The following SKOR1 variants were observed in gnomAD, a reference collection of about 807,000 sequenced individuals.
SKOR1 encodes the protein LBX1 corepressor 1.
A neutral mutation model predicts 72.4 loss-of-function variants in SKOR1; 38 were observed. That is an observed-to-expected ratio of 0.52 (90% CI 0.40 to 0.69). SKOR1 has a LOEUF of 0.69. Among genes scored for constraint, SKOR1 ranks in the 30% least tolerant of loss-of-function variants. The pLI, the probability that SKOR1 is intolerant of heterozygous loss-of-function variation, is 0.00. For synonymous variants in SKOR1, 642 were observed against 599.4 expected, an observed-to-expected ratio of 1.07 and a Z score of -1.04; for missense variants, 1,320 against 1,343.2, an observed-to-expected ratio of 0.98 and a Z score of 0.27.
Position 67,833,940 on chromosome 15 carries a change from G to C in SKOR1, c.*104G>C. 2.3e-6 allele frequency: 3 copies of C among 1,284,444 alleles called. No homozygotes were observed. The highest frequency in any genetic ancestry group is 3.3e-6 in the Non-Finnish European group (3 of 900,072). 79.6% of individuals were successfully genotyped at this position (1,284,444 alleles called of 1,614,324 possible). ...AGGAACAAGCCATTCGGACCCGACCGATGTAAATACAGCCGCCCGTCCGCC... is the reference window on the plus strand; with the variant it reads ...AGGAACAAGCCATTCGGACCCGACCCATGTAAATACAGCCGCCCGTCCGCC... On this transcript the variant is annotated 3_prime_UTR_variant, in exon 9 of 9. Coordinates refer to ENST00000380035, the MANE Select transcript of SKOR1 (RefSeq NM_001365915.1). This position sits in a 1 kb window ranked among gnomAD's most constrained non-coding sequence, Gnocchi z 6.0.
chr15:67,829,790 C>T (rs1253669525), intron 3 of SKOR1, among the ~76,000 whole-genome samples: 1 of 152,234 alleles, frequency 6.6e-6, no homozygotes, highest in Non-Finnish European at 1.5e-5. Flanking sequence ...TCGAGGCAGC[C>T]GAACCCCGGA....
At position 67,826,862 on chromosome 15, in the gene SKOR1, A is replaced by T. The variant is rs1275875160; in HGVS notation, c.1034A>T (p.Gln345Leu). 6.5e-7 allele frequency: 1 copy of T among 1,531,290 alleles called. No individual in the cohort carries two copies. The highest frequency in any genetic ancestry group is 8.7e-7 in the Non-Finnish European group (1 of 1,142,866). The allele number at this position is 1,531,290 out of a possible 1,614,324, so 94.9% of individuals were successfully genotyped here. ...CCGGGGCCACCTCCACCCCACCCGC[A>T]GCGCGGACTTGGCCTGGCGACTGGA... ...GPPGPPPPHP[Q>L]RGLGLATGAS... is the part of the protein sequence containing the mutation. Residue 345 changes from glutamine to leucine, a missense_variant, in exon 2 of 9, where the codon CAG becomes CTG. By Grantham distance (113) the Gln-to-Leu change is moderately radical. Coordinates refer to ENST00000380035, the MANE Select transcript of SKOR1 (RefSeq NM_001365915.1).
Position 67,826,438 on chromosome 15 carries a change from C to A in SKOR1, c.610C>A (p.Arg204Ser). The A allele has an allele frequency of 6.2e-7, 1 of 1,614,114 alleles. No individual in the cohort carries two copies. Among genetic ancestry groups the A allele is most frequent in the Non-Finnish European group, 8.5e-7 (1 of 1,180,032 alleles). The part of the protein sequence containing the change: ...SFIPARYNSS[R>S]AKCIKCGYCS... The stretch of plus-strand genomic sequence containing the variant: ...CATCCCTGCGCGTTACAACAGCTCT[C>A]GTGCCAAGTGCATCAAGTGCGGCTA... The change falls in exon 2 of 9, where the codon CGT becomes AGT. Residue 204 changes from arginine (R) to serine (S), a missense_variant. Around this residue, in one of 3 missense-constraint regions of SKOR1, gnomAD observed 101 missense variants for 212.8 expected, o/e 0.47. Coordinates refer to ENST00000380035, the MANE Select transcript of SKOR1 (RefSeq NM_001365915.1).
At chr15:67,831,986 G>A (rs886269344) in intron 5 of SKOR1, among the ~76,000 whole-genome samples, 1 of 151,828 alleles carries the variant, frequency 6.6e-6, no homozygotes, top group African/African-American at 2.4e-5. Flanking sequence ...CAGCCTCTTA[G>A]GTTAGGGAGT....
At chr15:67,830,070 G>A in intron 3 of SKOR1, 121 bp from the exon 4 acceptor site, 1 of 984,550 alleles carries the variant, frequency 1.0e-6, no homozygotes, top group South Asian at 1.5e-5. Flanking sequence ...CGCACAGCCG[G>A]GAACCAGAGG....
At chr15:67,831,599 G>A (rs1348723564) in intron 5 of SKOR1, among the ~76,000 whole-genome samples, 1 of 152,062 alleles carries the variant, frequency 6.6e-6, no homozygotes, top group Non-Finnish European at 1.5e-5. Flanking sequence ...TGGTTCTGAG[G>A]GCACTAACAG....
intron 4 of SKOR1, 59 bp downstream of exon 4, chr15:67,830,357 G>A: frequency 2.7e-6 from 4 of 1,500,532 alleles, no homozygotes; most frequent in East Asian, 2.3e-5. Context: ...GACCCAGGTC[G>A]CCCAGGTTCC....
chr15:67,833,936 G>A lies in SKOR1; in HGVS notation c.*100G>A, dbSNP rs1342870480. On this transcript the variant is annotated 3_prime_UTR_variant, in exon 9 of 9. Coordinates refer to ENST00000380035, the MANE Select transcript of SKOR1 (RefSeq NM_001365915.1). The surrounding 1 kb of genome is among the most constrained non-coding windows in gnomAD (Gnocchi z 6.0). ...AGCGAGGAACAAGCCATTCGGACCC[G>A]ACCGATGTAAATACAGCCGCCCGTC... 2 of 1,326,796 alleles carry A rather than the reference G, an allele frequency of 1.5e-6. No homozygotes were observed. Among genetic ancestry groups the A allele is most frequent in the South Asian group, 2.4e-5 (2 of 84,814 alleles). The allele number at this position is 1,326,796 out of a possible 1,614,324, so 82.2% of individuals were successfully genotyped here.
Position 67,832,358 on chromosome 15 carries a change from G to A in SKOR1, c.2662+10G>A. ...TTTCAGAGTCTCAAAGGTACCCACT[G>A]CCATCCTGCCTCACCCCACCTCATC... is the stretch of plus-strand genomic sequence containing the variant. On this transcript the variant is annotated intron_variant, in intron 6 of 8. Coordinates refer to ENST00000380035, the MANE Select transcript of SKOR1 (RefSeq NM_001365915.1). The surrounding 1 kb of genome is among the most constrained non-coding windows in gnomAD (Gnocchi z 4.5). 1 of 1,613,764 alleles carries A rather than the reference G, an allele frequency of 6.2e-7. No homozygotes were observed. The highest frequency in any genetic ancestry group is 8.5e-7 in the Non-Finnish European group (1 of 1,179,750).
rs2090958850 is a variant in SKOR1 at position 67,826,438 on chromosome 15, C to T, written c.610C>T (p.Arg204Cys). The change falls in exon 2 of 9, where the codon CGT becomes TGT. Residue 204 changes from arginine (R) to cysteine (C), a missense_variant. Physicochemically the swap from Arg to Cys is radical, Grantham distance 180. Transcript: ENST00000380035. The part of the protein sequence containing the change: ...SFIPARYNSS[R>C]AKCIKCGYCS... ...CATCCCTGCGCGTTACAACAGCTCT[C>T]GTGCCAAGTGCATCAAGTGCGGCTA... 2 of 1,613,996 alleles carry T rather than the reference C, an allele frequency of 1.2e-6. No homozygotes were observed. Among genetic ancestry groups the T allele is most frequent in the Non-Finnish European group, 1.7e-6 (2 of 1,180,040 alleles).
Position 67,833,690 on chromosome 15 carries a change from T to C in SKOR1, c.2804-52T>C. On this transcript the variant is annotated intron_variant, in intron 8 of 8. Coordinates refer to ENST00000380035, the MANE Select transcript of SKOR1 (RefSeq NM_001365915.1). This position sits in a 1 kb window ranked among gnomAD's most constrained non-coding sequence, Gnocchi z 6.0. The stretch of plus-strand genomic sequence containing the variant: ...GGAGGGGAAAGGGTGGACTGCGCGG[T>C]GAGGTGAGCCTGGAGAGGCGCCCAG... The C allele has an allele frequency of 3.2e-6, 5 of 1,569,654 alleles. No individual in the cohort carries two copies. The highest frequency in any genetic ancestry group is 4.4e-6 in the Non-Finnish European group (5 of 1,141,160).
rs906388408 is a variant in SKOR1, at chr15:67,832,279, T to A, written c.2593T>A (p.Leu865Met). 2 of 1,614,062 alleles carry A rather than the reference T, an allele frequency of 1.2e-6. No individual in the cohort carries two copies. Among genetic ancestry groups the A allele is most frequent in the African/African-American group, 2.7e-5 (2 of 75,034 alleles). The part of the protein sequence containing the change: ...KDIENLAREE[L>M]QKLLLEQMEL... The stretch of plus-strand genomic sequence containing the variant: ...CCACTTTTCCCCTTTCACAGAGGAA[T>A]TGCAAAAACTGCTCCTGGAACAAAT... Residue 865 changes from leucine to methionine, a missense_variant, in exon 6 of 9, where the codon TTG becomes ATG. Leu to Met is a conservative substitution (Grantham distance 15). Transcript: ENST00000380035. This position sits in a 1 kb window ranked among gnomAD's most constrained non-coding sequence, Gnocchi z 4.5.
rs148252639 is a variant in SKOR1, at chr15:67,826,755, C to T, written c.927C>T (p.Gly309=). The T allele has an allele frequency of 2.8e-5, 43 of 1,535,772 alleles. No homozygotes were observed. In the East Asian group the frequency reaches 1.0e-3, roughly 37 times the overall value. Reference sequence around the variant, plus strand: ...GTGCTGGCGGCGGTGGCGGCGGTGGCCCAGGGTGCGGTGCAGAGATGGCCC... The same window carrying T: ...GTGCTGGCGGCGGTGGCGGCGGTGGTCCAGGGTGCGGTGCAGAGATGGCCC... The part of the protein sequence containing the change: ...KGGAGGGGGG[G]PGCGAEMAPG... The change falls in exon 2 of 9, where the codon GGC becomes GGT. Residue 309 remains glycine (G), a synonymous_variant. Coordinates refer to ENST00000380035, the MANE Select transcript of SKOR1 (RefSeq NM_001365915.1).
Position 67,832,153 on chromosome 15 carries a change from C to A in SKOR1, c.2588-121C>A. ...GTTGGTAAAGCCAGAGAGCGGAGGG[C>A]CTCCACCTACTGGTCATCCTTCTCA... is the stretch of plus-strand genomic sequence containing the variant. On this transcript the variant is annotated intron_variant, in intron 5 of 8. Coordinates refer to ENST00000380035, the MANE Select transcript of SKOR1 (RefSeq NM_001365915.1). The surrounding 1 kb of genome is among the most constrained non-coding windows in gnomAD (Gnocchi z 4.5). 1.2e-6 allele frequency: 1 copy of A among 837,206 alleles called. No individual in the cohort carries two copies. The highest frequency in any genetic ancestry group is 2.0e-6 in the Non-Finnish European group (1 of 500,694). The allele number at this position is 837,206 out of a possible 1,614,324, so 51.9% of individuals were successfully genotyped here. A position where few individuals can be genotyped will look rare whatever the true frequency, so the allele number is the denominator to read the frequency against.
chr15:67,832,186 T>C lies in SKOR1; in HGVS notation c.2588-88T>C, dbSNP rs945641015. ...TACTGGTCATCCTTCTCAACTCTCC[T>C]TTCAGGGTTGTTGGCCAAGGCAGAA... On this transcript the variant is annotated intron_variant, in intron 5 of 8. Coordinates refer to ENST00000380035, the MANE Select transcript of SKOR1 (RefSeq NM_001365915.1). This position sits in a 1 kb window ranked among gnomAD's most constrained non-coding sequence, Gnocchi z 4.5. 8 of 1,233,892 alleles carry C rather than the reference T, an allele frequency of 6.5e-6. No individual in the cohort carries two copies. In the East Asian group the frequency reaches 1.8e-4, roughly 29 times the overall value. The allele number at this position is 1,233,892 out of a possible 1,614,324, so 76.4% of individuals were successfully genotyped here. A position where few individuals can be genotyped will look rare whatever the true frequency, so the allele number is the denominator to read the frequency against.
Position 67,827,411 on chromosome 15 carries a change from C to A in SKOR1, c.1583C>A (p.Ala528Asp). The A allele has an allele frequency of 6.6e-7, 1 of 1,526,356 alleles. No homozygotes were observed. Among genetic ancestry groups the A allele is most frequent in the Non-Finnish European group, 8.7e-7 (1 of 1,144,016 alleles). The allele number at this position is 1,526,356 out of a possible 1,614,324, so 94.6% of individuals were successfully genotyped here. A position where few individuals can be genotyped will look rare whatever the true frequency, so the allele number is the denominator to read the frequency against. The change falls in exon 2 of 9, where the codon GCT (alanine) becomes GAT (aspartate). Residue 528 changes from alanine to aspartate, a missense_variant. Ala to Asp is a moderately radical substitution (Grantham distance 126). This residue lies in a region of SKOR1 where 1,099 missense variants were observed against 1,025.5 expected (regional missense o/e 1.07). Transcript: ENST00000380035. ...AAAAAAAAAA[A>D]GSGAPEPLDG... The stretch of plus-strand genomic sequence containing the variant: ...GCAGCGGCGGCGGCAGCGGCAGCTG[C>A]TGGCAGCGGTGCCCCAGAGCCCCTG...
Position 67,833,996 on chromosome 15 carries a change from C to T in SKOR1, c.*160C>T, listed in dbSNP as rs571723589. The T allele has an allele frequency of 9.0e-6, 7 of 781,282 alleles. No individual in the cohort carries two copies. Among genetic ancestry groups the T allele is most frequent in the African/African-American group, 8.5e-5 (5 of 58,554 alleles). 48.4% of individuals were successfully genotyped at this position (781,282 alleles called of 1,614,324 possible). A position where few individuals can be genotyped will look rare whatever the true frequency, so the allele number is the denominator to read the frequency against. On this transcript the variant is annotated 3_prime_UTR_variant, in exon 9 of 9. Transcript: ENST00000380035. This position sits in a 1 kb window ranked among gnomAD's most constrained non-coding sequence, Gnocchi z 6.0. ...TCCTCCCGGGCTCCCCGGCCTTGCC[C>T]GCCCCCTCCCGGGCGTCCCTGTCCA...
Position 67,829,185 on chromosome 15 carries a change from G to C in SKOR1, c.2323G>C (p.Ala775Pro). 2 of 1,559,942 alleles carry C rather than the reference G, an allele frequency of 1.3e-6. No individual in the cohort carries two copies. Among genetic ancestry groups the C allele is most frequent in the Non-Finnish European group, 1.7e-6 (2 of 1,159,112 alleles). Reference sequence around the variant, plus strand: ...CATTTCTCGGCCGTCGCAGGTGTTCGCGCCCGAGAGGGATGAGCACGTGAA... The same window carrying C: ...CATTTCTCGGCCGTCGCAGGTGTTCCCGCCCGAGAGGGATGAGCACGTGAA... ...LGGPAPAKVFAPERDEHVKSA... is the reference protein window; with the variant it reads ...LGGPAPAKVFPPERDEHVKSA... The change falls in exon 3 of 9, where the codon GCG (alanine) becomes CCG (proline). Residue 775 changes from alanine to proline, a missense_variant. Ala to Pro is a conservative substitution (Grantham distance 27). This residue lies in a region of SKOR1 where 1,099 missense variants were observed against 1,025.5 expected (regional missense o/e 1.07). Transcript: ENST00000380035.
In SKOR1 at chr15:67,832,376, A is replaced by G; in HGVS notation, c.2662+28A>G. 1 of 1,610,646 alleles carries G rather than the reference A, an allele frequency of 6.2e-7. No individual in the cohort carries two copies. Among genetic ancestry groups the G allele is most frequent in the Non-Finnish European group, 8.5e-7 (1 of 1,177,546 alleles). On this transcript the variant is annotated intron_variant, in intron 6 of 8. Coordinates refer to ENST00000380035, the MANE Select transcript of SKOR1 (RefSeq NM_001365915.1). The surrounding 1 kb of genome is among the most constrained non-coding windows in gnomAD (Gnocchi z 4.5). Reference sequence around the variant, plus strand: ...ACCCACTGCCATCCTGCCTCACCCCACCTCATCACCGAGCCTTCCACCAGG... The same window carrying G: ...ACCCACTGCCATCCTGCCTCACCCCGCCTCATCACCGAGCCTTCCACCAGG...
Sources: allele counts gnomAD v4.1 joint callset (sites outside exome capture counted in the v4.1 genomes callset), GRCh38; gene constraint gnomAD v4.1.1; regional missense constraint gnomAD v4.1.1; non-coding constraint Gnocchi (gnomAD v3.1); transcripts MANE v1.5; gene names NCBI Gene and HGNC (gene_info 2026-07-23, HGNC 2026-07-21).